Variants in PDSS2 observed in about 807,000 individuals in gnomAD.
PDSS2 encodes all trans-polyprenyl-diphosphate synthase PDSS2.
In PDSS2, 31 loss-of-function variants were observed where a neutral mutation model predicts 44.5. The ratio of observed to expected loss-of-function variants is 0.70; its 90% confidence interval spans 0.52 to 0.94. The LOEUF (loss-of-function observed/expected upper bound fraction) is 0.94, where lower values mean the gene tolerates loss of function less well. PDSS2 is among the 40% of genes least tolerant of loss of function. The pLI, the probability that PDSS2 is intolerant of heterozygous loss-of-function variation, is 0.00. For synonymous variants in PDSS2, 157 were observed against 180.3 expected (o/e 0.87, Z 1.03); for missense variants, 452 against 482.2 (o/e 0.94, Z 0.59).
intron 7 of PDSS2, among the ~76,000 whole-genome samples, chr6:107,170,278 G>C (rs532464529): frequency 1.6e-4 from 24 of 152,298 alleles, no homozygotes; most frequent in African/African-American, 4.1e-4. Context: ...CTCTGAGCCA[G>C]GCACGGGATA....
At chr6:107,339,081 G>C (rs1777999370) in intron 1 of PDSS2, among the ~76,000 whole-genome samples, 1 of 152,042 alleles carries the variant, frequency 6.6e-6, no homozygotes, top group South Asian at 2.1e-4. Flanking sequence ...GGCCAATTCT[G>C]GCTCAAAGAA....
chr6:107,264,992 T>C (rs1021361122), intron 3 of PDSS2, among the ~76,000 whole-genome samples: 16 of 152,222 alleles, frequency 1.1e-4, no homozygotes, highest in African/African-American at 3.6e-4. Context: ...TGTTCCATAA[T>C]TGAAAATGAA....
rs191792942 is a variant in PDSS2, at chr6:107,214,010, A to G, written c.703-1728T>C. Among the ~76,000 whole-genome samples, 1,392 of 152,310 alleles carry G rather than the reference A, an allele frequency of 9.1e-3. 12 individuals are homozygous for G. Among genetic ancestry groups the G allele is most frequent in the Non-Finnish European group, 0.015 (992 of 68,024 alleles). ...TATATAAAAAAAAGTGGAAACAGGT[A>G]AAATTAATCTTAATGACATATTTTA... On this transcript the variant is annotated intron_variant, in intron 4 of 7. Transcript: ENST00000369037.
In PDSS2 at chr6:107,246,803, G is replaced by A. The variant is rs558855370; in HGVS notation, c.631-1184C>T. ...GATATGAAATTTTTGCTGATTAAAG[G>A]CATATTTTTTTCCTAGCTCTTTAAG... On this transcript the variant is annotated intron_variant, in intron 3 of 7. Coordinates refer to ENST00000369037, the MANE Select transcript of PDSS2 (RefSeq NM_020381.4). Among the ~76,000 whole-genome samples, 381 of 152,220 alleles carry A rather than the reference G, an allele frequency of 2.5e-3. 3 individuals carry two copies. The highest frequency in any genetic ancestry group is 9.2e-3 in the Admixed American group (141 of 15,282).
chr6:107,205,851 C>A (rs968611673), intron 6 of PDSS2, among the ~76,000 whole-genome samples: 2 of 152,146 alleles, frequency 1.3e-5, no homozygotes, highest in Non-Finnish European at 2.9e-5. Context: ...CTCCTAGCTT[C>A]ACAATGGTGC....
rs1775796227 is a variant in PDSS2 at position 107,276,743 on chromosome 6, T to C, written c.432-2516A>G. ...TTGACCATATGACTTGTTTGGTCAA[T>C]GGGACATCGGCAAATGAGGGACAAA... is the stretch of plus-strand genomic sequence containing the variant. On this transcript the variant is annotated intron_variant, in intron 2 of 7. Transcript: ENST00000369037. Among the ~76,000 whole-genome samples, 3 of 152,204 alleles carry C rather than the reference T, an allele frequency of 2.0e-5. No individual in the cohort carries two copies. In the South Asian group the frequency reaches 6.2e-4, roughly 31 times the overall value.
intron 2 of PDSS2, among the ~76,000 whole-genome samples, chr6:107,284,680 G>C (rs1248580926): frequency 6.9e-6 from 1 of 145,860 alleles, no homozygotes; most frequent in South Asian, 2.2e-4. Flanking sequence ...AAAAAAAAGA[G>C]TTGTTAACCA....
At chr6:107,227,148 G>A (rs560013623) in intron 4 of PDSS2, among the ~76,000 whole-genome samples, 3 of 150,908 alleles carry the variant, frequency 2.0e-5, no homozygotes, top group Admixed American at 6.6e-5. Context: ...TCTGGCTAAT[G>A]TTTTAAATAT....
chr6:107,226,351 T>C (rs1323961233), intron 4 of PDSS2, among the ~76,000 whole-genome samples: 2 of 152,144 alleles, frequency 1.3e-5, no homozygotes, highest in East Asian at 3.9e-4. Flanking sequence ...ATACTTCTGA[T>C]GCAGGAAAAT....
intron 1 of PDSS2, among the ~76,000 whole-genome samples, chr6:107,359,742 GT>G (rs1675350923): frequency 1.3e-5 from 2 of 151,888 alleles, no homozygotes; most frequent in African/African-American, 4.8e-5. Flanking sequence ...TATGGCTTTG[GT>G]TTTGATTTTG....
rs1424125328 is a variant in PDSS2, at chr6:107,212,239, T to C, written c.746A>G (p.Glu249Gly). 3 of 1,613,914 alleles carry C rather than the reference T, an allele frequency of 1.9e-6. No homozygotes were observed. The highest frequency in any genetic ancestry group is 1.7e-5 in the Admixed American group (1 of 60,018). The change falls in exon 5 of 8, where the codon GAG becomes GGG. Residue 249 changes from glutamate (E) to glycine (G), a missense_variant. By Grantham distance (98) the Glu-to-Gly change is moderately conservative. Coordinates refer to ENST00000369037, the MANE Select transcript of PDSS2 (RefSeq NM_020381.4). ...GGCACCATGGGAGAGAAAAGTCTGCTCCTTCCAAGTCGATATTCCAATATC... is the reference window on the plus strand; with the variant it reads ...GGCACCATGGGAGAGAAAAGTCTGCCCCTTCCAAGTCGATATTCCAATATC... ...TDDIGISTWKEQTFLSHGALL... is the reference protein window; with the variant it reads ...TDDIGISTWKGQTFLSHGALL...
At chr6:107,159,357 AAGGGAGGG>A (rs1220057344) in intron 7 of PDSS2, among the ~76,000 whole-genome samples, 1 of 129,042 alleles carries the variant, frequency 7.7e-6, no homozygotes, top group East Asian at 2.7e-4. Flanking sequence ...GAAGGGAAAG[AAGGGAGGG>A]AGGGAGGGAG....
chr6:107,444,984 T>C (rs1781624013), intron 1 of PDSS2, among the ~76,000 whole-genome samples: 1 of 152,080 alleles, frequency 6.6e-6, no homozygotes, highest in Non-Finnish European at 1.5e-5. Flanking sequence ...GCCAAATCTG[T>C]CAAGAGTAAT....
intron 3 of PDSS2, among the ~76,000 whole-genome samples, chr6:107,252,998 T>G (rs1774876181): frequency 6.6e-6 from 1 of 152,190 alleles, no homozygotes; most frequent in Non-Finnish European, 1.5e-5. Context: ...TAAATCAAAA[T>G]TCCTTTATTC....
chr6:107,435,032 T>G (rs867604619), intron 1 of PDSS2, among the ~76,000 whole-genome samples: 1 of 152,060 alleles, frequency 6.6e-6, no homozygotes, highest in South Asian at 2.1e-4. Context: ...ATCTCAGTAC[T>G]ATGAGAGGCC....
intron 1 of PDSS2, among the ~76,000 whole-genome samples, chr6:107,431,759 T>A (rs1403822258): frequency 6.6e-6 from 1 of 152,238 alleles, no homozygotes; most frequent in Non-Finnish European, 1.5e-5. Context: ...TTAATAACAG[T>A]AGCTATATTT....
chr6:107,340,577 T>C (rs1318415741), intron 1 of PDSS2, among the ~76,000 whole-genome samples: 1 of 152,200 alleles, frequency 6.6e-6, no homozygotes, highest in Non-Finnish European at 1.5e-5. Flanking sequence ...AGAGCTATAA[T>C]AGTAGATTCA....
intron 2 of PDSS2, among the ~76,000 whole-genome samples, chr6:107,285,348 T>C (rs1014869434): frequency 6.6e-6 from 1 of 152,096 alleles, no homozygotes. Context: ...ACTGCAGTTT[T>C]AAAAAGTATA....
chr6:107,157,703 C>G (rs200189521), intron 7 of PDSS2, among the ~76,000 whole-genome samples: 1 of 151,926 alleles, frequency 6.6e-6, no homozygotes, highest in East Asian at 1.9e-4. Context: ...CAGAGTCTCC[C>G]TCTATCACCC....
Sources: allele counts gnomAD v4.1 joint callset (sites outside exome capture counted in the v4.1 genomes callset), GRCh38; gene constraint gnomAD v4.1.1; transcripts MANE v1.5; gene names NCBI Gene and HGNC (gene_info 2026-07-23, HGNC 2026-07-21).